ARID2: variants seen among roughly 807,000 people sequenced by gnomAD.
ARID2 encodes the protein AT-rich interactive domain-containing protein 2.
A neutral mutation model predicts 184.6 loss-of-function variants in ARID2; 32 were observed. The observed-to-expected ratio is 0.17, with a 90% CI of 0.13 to 0.23. ARID2 has a LOEUF of 0.23. ARID2 is among the 10% of genes least tolerant of loss of function. The probability of loss-of-function intolerance (pLI) is 1.00; values close to 1 mark genes in which losing one functional copy is unlikely to be tolerated. For synonymous variants in ARID2, 836 were observed against 772.6 expected (o/e 1.08, Z -1.36); for missense variants, 1,696 against 2,197.6 (o/e 0.77, Z 4.56).
At chr12:45,747,557 C>A (rs566049804) in intron 3 of ARID2, among the ~76,000 whole-genome samples, 5 of 151,890 alleles carry the variant, frequency 3.3e-5, no homozygotes, top group African/African-American at 9.7e-5. Flanking sequence ...TGGGGAGCTT[C>A]TTATGAACTC....
intron 20 of ARID2, among the ~76,000 whole-genome samples, chr12:45,903,097 A>T (rs1292574448): frequency 6.6e-6 from 1 of 152,170 alleles, no homozygotes; most frequent in Non-Finnish European, 1.5e-5. Context: ...GATCTGTGAC[A>T]CCAGAGGTTC....
At chr12:45,825,414 G>T (rs1006299065) in intron 6 of ARID2, among the ~76,000 whole-genome samples, 2 of 152,066 alleles carry the variant, frequency 1.3e-5, no homozygotes, top group African/African-American at 4.8e-5. Flanking sequence ...TTGCAAATTT[G>T]TATTAAAAGG....
At chr12:45,764,752 C>T (rs1053368830) in intron 3 of ARID2, among the ~76,000 whole-genome samples, 24 of 152,174 alleles carry the variant, frequency 1.6e-4, no homozygotes, top group African/African-American at 5.3e-4. Context: ...ATTCTTTATT[C>T]TTTTTTAGTT....
At chr12:45,819,684 C>A (rs546639951) in intron 5 of ARID2, among the ~76,000 whole-genome samples, 7 of 151,092 alleles carry the variant, frequency 4.6e-5, no homozygotes, top group African/African-American at 1.7e-4. Flanking sequence ...TTTTATATTT[C>A]TGCCCTATAT....
intron 3 of ARID2, among the ~76,000 whole-genome samples, chr12:45,786,152 CAT>C (rs1942193373): frequency 6.6e-6 from 1 of 152,160 alleles, no homozygotes; most frequent in South Asian, 2.1e-4. Flanking sequence ...TAACTGTACA[CAT>C]TTTTTATCTG....
chr12:45,899,695 TTATATA>T (rs1219289824), intron 20 of ARID2, among the ~76,000 whole-genome samples: 17 of 78,724 alleles, frequency 2.2e-4, no homozygotes, highest in African/African-American at 5.3e-4. Context: ...ATATATATGG[TTATATA>T]TATATATGGT....
chr12:45,760,640 T>C (rs1248825014), intron 3 of ARID2, among the ~76,000 whole-genome samples: 3 of 152,176 alleles, frequency 2.0e-5, no homozygotes, highest in Non-Finnish European at 4.4e-5. Context: ...TGAGGCTGTA[T>C]ATATGTGTAT....
rs767303859 is a variant in ARID2 at position 45,849,746 on chromosome 12, C to A, written c.1882C>A (p.Pro628Thr). 6.2e-7 allele frequency: 1 copy of A among 1,613,214 alleles called. No homozygotes were observed. Among genetic ancestry groups the A allele is most frequent in the Non-Finnish European group, 8.5e-7 (1 of 1,179,524 alleles). The change falls in exon 14 of 21, where the codon CCT (proline) becomes ACT (threonine). Residue 628 changes from proline to threonine, a missense_variant. Coordinates refer to ENST00000334344, the MANE Select transcript of ARID2 (RefSeq NM_152641.4). ...TTCTGTTGTTCGTGTTGATTCTGTT[C>A]CTGATGTATCTCCTGCTCCTTCACC... is the stretch of plus-strand genomic sequence containing the variant. ...STSVVRVDSV[P>T]DVSPAPSPAG...
At chr12:45,767,105 T>C (rs1018747321) in intron 3 of ARID2, among the ~76,000 whole-genome samples, 1 of 152,230 alleles carries the variant, frequency 6.6e-6, no homozygotes, top group Admixed American at 6.5e-5. Context: ...TGTAGTGATA[T>C]CTTACTGTGG....
intron 3 of ARID2, among the ~76,000 whole-genome samples, chr12:45,798,380 A>G (rs930340340): frequency 2.0e-5 from 3 of 152,182 alleles, no homozygotes; most frequent in Admixed American, 1.3e-4. Context: ...TTCAGAAGAG[A>G]TATTTACAGG....
chr12:45,769,550 C>T (rs751691663), intron 3 of ARID2, among the ~76,000 whole-genome samples: 6 of 152,132 alleles, frequency 3.9e-5, no homozygotes, highest in South Asian at 4.2e-4. Context: ...AAATGTGGGA[C>T]GCCATGAAGT....
At chr12:45,738,081 G>GT (rs1167596959) in intron 3 of ARID2, among the ~76,000 whole-genome samples, 2 of 151,916 alleles carry the variant, frequency 1.3e-5, no homozygotes, top group African/African-American at 4.8e-5. Flanking sequence ...ATATATGTAT[G>GT]GTTTTTTTTT....
At chr12:45,855,592 CA>C (rs1208894072) in intron 15 of ARID2, among the ~76,000 whole-genome samples, 4 of 152,140 alleles carry the variant, frequency 2.6e-5, no homozygotes, top group Non-Finnish European at 5.9e-5. Flanking sequence ...TTTTAACAGA[CA>C]AAAAAATTAA....
chr12:45,861,310 T>C (rs1393245248), intron 16 of ARID2, among the ~76,000 whole-genome samples: 1 of 152,144 alleles, frequency 6.6e-6, no homozygotes, highest in Non-Finnish European at 1.5e-5. Context: ...TATTTCCATA[T>C]AGTAGAAACT....
rs1245009933 is a variant in ARID2, at chr12:45,732,361, G to A, written c.284+1047G>A. On this transcript the variant is annotated intron_variant, in intron 3 of 20. Coordinates refer to ENST00000334344, the MANE Select transcript of ARID2 (RefSeq NM_152641.4). Reference sequence around the variant, plus strand: ...TTCTGAAATAGGAAATGCAGTAATCGCACAGGTGTACTTTCTATTGGCTAT... The same window carrying A: ...TTCTGAAATAGGAAATGCAGTAATCACACAGGTGTACTTTCTATTGGCTAT... Among the ~76,000 whole-genome samples, 5 of 152,232 alleles carry A rather than the reference G, an allele frequency of 3.3e-5. No homozygotes were observed. In the East Asian group the frequency reaches 9.6e-4, roughly 29 times the overall value.
At chr12:45,897,164 A>G (rs897537821) in intron 20 of ARID2, among the ~76,000 whole-genome samples, 1 of 152,240 alleles carries the variant, frequency 6.6e-6, no homozygotes, top group African/African-American at 2.4e-5. Flanking sequence ...AAGTATGACA[A>G]TTCTTCATTC....
At chr12:45,824,482 T>C (rs955950920) in intron 6 of ARID2, among the ~76,000 whole-genome samples, 2 of 151,942 alleles carry the variant, frequency 1.3e-5, no homozygotes, top group African/African-American at 4.8e-5. Flanking sequence ...GATACATTTC[T>C]TAAAAAAAAG....
chr12:45,868,925 G>A (rs1251193201), intron 16 of ARID2, among the ~76,000 whole-genome samples: 1 of 152,080 alleles, frequency 6.6e-6, no homozygotes, highest in African/African-American at 2.4e-5. Context: ...TTTATACTAG[G>A]CACTGTGCCG....
At chr12:45,816,802 T>C (rs1177293510) in intron 4 of ARID2, among the ~76,000 whole-genome samples, 3 of 152,190 alleles carry the variant, frequency 2.0e-5, no homozygotes, top group Non-Finnish European at 4.4e-5. Context: ...AACAAAAGAC[T>C]ATATTGTGTG....
Sources: gnomAD v4.1 joint callset for allele counts (sites outside exome capture counted in the v4.1 genomes callset) on GRCh38, gnomAD v4.1.1 for gene constraint, MANE v1.5 for transcripts, NCBI Gene and HGNC (gene_info 2026-07-23, HGNC 2026-07-21) for gene names.